LEF1: variants seen among roughly 807,000 people sequenced by gnomAD.
LEF1 encodes the protein lymphoid enhancer binding factor 1.
LEF1 carries 14 observed loss-of-function variants against 51.2 expected under a neutral mutation model. That is an observed-to-expected ratio of 0.27 (90% CI 0.18 to 0.43). LEF1 has a LOEUF of 0.43. Ranked by LOEUF, LEF1 falls within the 20% of genes least tolerant of loss-of-function variation. The pLI is 1.00. For synonymous variants in LEF1, 185 were observed against 183.2 expected (o/e 1.01, Z -0.08); for missense variants, 386 against 512.0 (o/e 0.75, Z 2.37).
intron 3 of LEF1, among the ~76,000 whole-genome samples, chr4:108,144,073 A>C (rs1743844629): frequency 6.6e-6 from 1 of 152,150 alleles, no homozygotes; most frequent in Non-Finnish European, 1.5e-5. Context: ...TGGGGGAAGC[A>C]AGCCGGTTGA....
chr4:108,118,118 G>A (rs991302532), intron 3 of LEF1, among the ~76,000 whole-genome samples: 2 of 152,184 alleles, frequency 1.3e-5, no homozygotes, highest in African/African-American at 4.8e-5. Context: ...CAGCTAACAA[G>A]TAGTAGAGGT....
chr4:108,163,449 AACG>A (rs1171063087), intron 3 of LEF1, 116 bp downstream of exon 3: 2 of 1,069,622 alleles, frequency 1.9e-6, no homozygotes, highest in Non-Finnish European at 2.7e-6. Flanking sequence ...CTTATTTAGC[AACG>A]ACTAGTTATA....
In LEF1 at chr4:108,157,179, TAC is replaced by T. The variant is rs59867246; in HGVS notation, c.414+6387_414+6388del. The stretch of plus-strand genomic sequence containing the variant: ...CTCTCTCTCTCTCTCTATATATATA[TAC>T]ACACACACACACACACACACACACA... On this transcript the variant is annotated intron_variant, in intron 3 of 11. Transcript: ENST00000265165. Among the ~76,000 whole-genome samples, 723 of 116,744 alleles carry T rather than the reference TAC, an allele frequency of 6.2e-3. 3 individuals are homozygous for T. The highest frequency in any genetic ancestry group is 0.014 in the African/African-American group (442 of 30,638). 76.6% of individuals were successfully genotyped at this position (116,744 alleles called of 152,430 possible).
intron 9 of LEF1, among the ~76,000 whole-genome samples, chr4:108,066,911 A>C (rs1001189767): frequency 2.7e-4 from 41 of 152,352 alleles, no homozygotes; most frequent in African/African-American, 9.1e-4. Context: ...AAACAAGTTC[A>C]AATTATAAAT....
At chr4:108,097,328 G>A (rs1430414067) in intron 3 of LEF1, among the ~76,000 whole-genome samples, 2 of 152,150 alleles carry the variant, frequency 1.3e-5, no homozygotes, top group Non-Finnish European at 2.9e-5. Context: ...TGTGAAATAA[G>A]CCAGGCACAG....
chr4:108,095,815 T>C (rs1436844809), intron 3 of LEF1, among the ~76,000 whole-genome samples: 1 of 152,216 alleles, frequency 6.6e-6, no homozygotes, highest in Non-Finnish European at 1.5e-5. Context: ...TAATTCATTC[T>C]GGGAGCCAAA....
chr4:108,123,432 GTTTTTT>G (rs34015287), intron 3 of LEF1, among the ~76,000 whole-genome samples: 43 of 72,382 alleles, frequency 5.9e-4, no homozygotes, highest in African/African-American at 2.4e-3. Flanking sequence ...GCTAGGGTTG[GTTTTTT>G]TTTTTTTTTT....
intron 3 of LEF1, among the ~76,000 whole-genome samples, chr4:108,110,800 GC>G (rs1741486157): frequency 6.6e-6 from 1 of 152,172 alleles, no homozygotes; most frequent in South Asian, 2.1e-4. Context: ...CAGAAAATAT[GC>G]AGAATTCACA....
At chr4:108,067,396 T>C (rs936988565) in intron 9 of LEF1, among the ~76,000 whole-genome samples, 1 of 152,176 alleles carries the variant, frequency 6.6e-6, no homozygotes, top group Non-Finnish European at 1.5e-5. Flanking sequence ...GAAAAACAAA[T>C]TTAAAGGCAT....
intron 3 of LEF1, among the ~76,000 whole-genome samples, chr4:108,132,735 T>C (rs1039733043): frequency 8.8e-5 from 11 of 125,348 alleles, no homozygotes; most frequent in African/African-American, 3.0e-4. Context: ...TGGCACAATC[T>C]CAGCTCACTG....
At chr4:108,131,161 G>A (rs529718963) in intron 3 of LEF1, among the ~76,000 whole-genome samples, 5 of 152,082 alleles carry the variant, frequency 3.3e-5, no homozygotes, top group African/African-American at 1.2e-4. Context: ...AACTACTCAA[G>A]CAGTGGCTCA....
intron 1 of LEF1, among the ~76,000 whole-genome samples, chr4:108,165,847 A>G (rs1292216803): frequency 6.6e-6 from 1 of 152,166 alleles, no homozygotes; most frequent in East Asian, 1.9e-4. Flanking sequence ...GACAGCCTCA[A>G]ACACGTGCAA....
intron 9 of LEF1, among the ~76,000 whole-genome samples, chr4:108,066,105 G>T (rs1244788490): frequency 6.6e-6 from 1 of 152,134 alleles, no homozygotes; most frequent in Non-Finnish European, 1.5e-5. Flanking sequence ...GTTTCACCAC[G>T]TTGGCCAGGC....
intron 3 of LEF1, among the ~76,000 whole-genome samples, chr4:108,101,611 TACA>T (rs1369955356): frequency 6.6e-6 from 1 of 152,202 alleles, no homozygotes; most frequent in Non-Finnish European, 1.5e-5. Context: ...AGTTCCTGTG[TACA>T]ACAACTTGGA....
chr4:108,150,077 T>A (rs549371444), intron 3 of LEF1, among the ~76,000 whole-genome samples: 13 of 152,308 alleles, frequency 8.5e-5, no homozygotes, highest in African/African-American at 2.9e-4. Flanking sequence ...TTCTCAGGAA[T>A]GATCACAATT....
At position 108,085,703 on chromosome 4, in the gene LEF1, C is replaced by CTCTTA. The variant is rs1553951192; in HGVS notation, c.548-2258_548-2257insTAAGA. Among the ~76,000 whole-genome samples the CTCTTA allele has an allele frequency of 2.6e-4, 40 of 151,874 alleles. No homozygotes were observed. In the East Asian group the frequency reaches 7.0e-3, roughly 27 times the overall value. The stretch of plus-strand genomic sequence containing the variant: ...GACAGGTCCTATGCTAGGCGTTTGA[C>CTCTTA]TCTATAGAAATTCTACTCTTCTTTC... On this transcript the variant is annotated intron_variant, in intron 4 of 11. Coordinates refer to ENST00000265165, the MANE Select transcript of LEF1 (RefSeq NM_016269.5).
chr4:108,062,082 C>A lies in LEF1; in HGVS notation c.*6+1541G>T, dbSNP rs564974327. ...GGCAGATCCTGCACATCAACCACCA[C>A]AGGGGGTAGGTATCGATATTCCCCT... is the stretch of plus-strand genomic sequence containing the variant. On this transcript the variant is annotated intron_variant, in intron 11 of 11. Transcript: ENST00000265165. 5.3e-5 allele frequency among the ~76,000 whole-genome samples: 8 copies of A among 152,210 alleles called. No individual in the cohort carries two copies. The East Asian group carries it at 1.4e-3, about 26-fold the overall frequency.
At chr4:108,069,191 G>T (rs1310497966) in intron 9 of LEF1, among the ~76,000 whole-genome samples, 2 of 152,144 alleles carry the variant, frequency 1.3e-5, no homozygotes, top group Non-Finnish European at 2.9e-5. Flanking sequence ...CACCAAACCT[G>T]CCTGCACCTT....
At chr4:108,066,085 T>G (rs892770778) in intron 9 of LEF1, among the ~76,000 whole-genome samples, 3 of 152,116 alleles carry the variant, frequency 2.0e-5, no homozygotes, top group African/African-American at 7.2e-5. Flanking sequence ...GTATTTTTGG[T>G]AAATACGGAG....
Sources: gnomAD v4.1 joint callset for allele counts (sites outside exome capture counted in the v4.1 genomes callset) on GRCh38, gnomAD v4.1.1 for gene constraint, MANE v1.5 for transcripts, NCBI Gene and HGNC (gene_info 2026-07-23, HGNC 2026-07-21) for gene names.